Variants in SCOC observed in about 807,000 individuals in gnomAD.
The protein encoded by SCOC is short coiled coil protein.
Under a neutral mutation model 9.9 loss-of-function variants are expected in SCOC, and 7 were observed. That is an observed-to-expected ratio of 0.71 (90% confidence interval 0.40 to 1.33). The LOEUF is 1.33. Among genes scored for constraint, SCOC ranks in the 40% most tolerant of loss-of-function variants. The probability of loss-of-function intolerance (pLI) is 0.01; values close to 1 mark genes in which losing one functional copy is unlikely to be tolerated. For synonymous variants in SCOC, 19 were observed against 28.2 expected (o/e 0.67, Z 1.03); for missense variants, 66 against 89.7 (o/e 0.74, Z 1.07).
intron 1 of SCOC, among the ~76,000 whole-genome samples, chr4:140,262,912 A>G (rs1730662831): frequency 6.6e-6 from 1 of 152,138 alleles, no homozygotes; most frequent in African/African-American, 2.4e-5. Context: ...CCAGGTAGAT[A>G]GTGCTAAGCC....
chr4:140,342,092 A>T (rs1038777062), upstream of SCOC, among the ~76,000 whole-genome samples: 3 of 152,118 alleles, frequency 2.0e-5, no homozygotes, highest in African/African-American at 7.2e-5. Flanking sequence ...ACAATCTAGC[A>T]TTCAAACCAC....
chr4:140,277,707 A>C (rs1368879681), intron 1 of SCOC, among the ~76,000 whole-genome samples: 2 of 152,208 alleles, frequency 1.3e-5, no homozygotes, highest in East Asian at 1.9e-4. Flanking sequence ...GTCTGAAACA[A>C]AAAAAACAAT....
intron 1 of SCOC, among the ~76,000 whole-genome samples, chr4:140,275,506 G>A (rs1331115462): frequency 6.6e-6 from 1 of 152,200 alleles, no homozygotes; most frequent in Non-Finnish European, 1.5e-5. Context: ...TTTCATTTAT[G>A]TTTGCATCCT....
At chr4:140,286,191 A>T (rs562003197) in intron 1 of SCOC, among the ~76,000 whole-genome samples, 12 of 151,072 alleles carry the variant, frequency 7.9e-5, no homozygotes, top group African/African-American at 2.2e-4. Context: ...CACAAAATAA[A>T]AAAAAAAAAG....
chr4:140,351,552 T>G (rs1018520405), intron 2 of SCOC, among the ~76,000 whole-genome samples: 1 of 152,090 alleles, frequency 6.6e-6, no homozygotes, highest in Non-Finnish European at 1.5e-5. Context: ...CAATTAGCCC[T>G]CATTGTAAGG....
intron 1 of SCOC, among the ~76,000 whole-genome samples, chr4:140,281,003 T>C (rs1731084504): frequency 6.6e-6 from 1 of 152,118 alleles, no homozygotes; most frequent in African/African-American, 2.4e-5. Context: ...GGCTTATATG[T>C]TTTGACAAGT....
chr4:140,366,382 T>C, intron 2 of SCOC: 3 of 1,290,752 alleles, frequency 2.3e-6, no homozygotes, highest in Non-Finnish European at 1.1e-6. Context: ...GCAGCGGTCA[T>C]CTTTTTGCTA....
chr4:140,306,315 C>T (rs573738454), intron 1 of SCOC, among the ~76,000 whole-genome samples: 4 of 152,212 alleles, frequency 2.6e-5, no homozygotes, highest in East Asian at 1.9e-4. Flanking sequence ...TACCTCTCAT[C>T]GGGTCTTTCC....
intron 1 of SCOC, among the ~76,000 whole-genome samples, chr4:140,286,188 TA>T (rs373397923): frequency 0.12 from 15,836 of 137,144 alleles, 1,232 homozygotes; most frequent in African/African-American, 0.24. Flanking sequence ...CATCACAAAA[TA>T]AAAAAAAAAA....
chr4:140,367,662 G>C (rs1311929325), intron 2 of SCOC, among the ~76,000 whole-genome samples: 1 of 152,202 alleles, frequency 6.6e-6, no homozygotes, highest in Non-Finnish European at 1.5e-5. Flanking sequence ...ACAGATGTGA[G>C]CCACTGTGCC....
rs1027298910 is a variant in SCOC at position 140,324,535 on chromosome 4, T to C, written c.-18-19086T>C. ...TATACAAAAACCAATCATATTCCTA[T>C]ATTCCAGAAATGAATAGTTGTCATT... is the stretch of plus-strand genomic sequence containing the variant. On this transcript the variant is annotated intron_variant, in intron 1 of 4. Coordinates refer to the SCOC transcript ENST00000394205. Among the ~76,000 whole-genome samples, 4 of 152,192 alleles carry C rather than the reference T, an allele frequency of 2.6e-5. No homozygotes were observed. The East Asian group carries it at 7.7e-4, about 29-fold the overall frequency.
intron 1 of SCOC, among the ~76,000 whole-genome samples, chr4:140,267,828 A>G (rs1321350574): frequency 6.6e-6 from 1 of 151,950 alleles, no homozygotes; most frequent in Non-Finnish European, 1.5e-5. Context: ...CCCTTGTGTA[A>G]TTGATCCCTG....
At chr4:140,273,647 A>G (rs1452243536) in intron 1 of SCOC, among the ~76,000 whole-genome samples, 1 of 97,676 alleles carries the variant, frequency 1.0e-5, no homozygotes, top group African/African-American at 1.1e-4. Flanking sequence ...GCTCTGGTGA[A>G]AAAAAAAAAA....
At chr4:140,261,948 A>G (rs1730641895) in intron 1 of SCOC, among the ~76,000 whole-genome samples, 1 of 152,246 alleles carries the variant, frequency 6.6e-6, no homozygotes, top group Non-Finnish European at 1.5e-5. Flanking sequence ...AGAGTGCAGC[A>G]GGCCAGAGAA....
At chr4:140,281,398 TC>T (rs1480458036) in intron 1 of SCOC, among the ~76,000 whole-genome samples, 3 of 152,072 alleles carry the variant, frequency 2.0e-5, no homozygotes, top group African/African-American at 7.2e-5. Context: ...TGGTAATGAG[TC>T]CCTCATATGT....
At chr4:140,262,641 G>T (rs1480870372) in intron 1 of SCOC, among the ~76,000 whole-genome samples, 3 of 152,144 alleles carry the variant, frequency 2.0e-5, no homozygotes, top group Non-Finnish European at 2.9e-5. Flanking sequence ...GTATTAGTCG[G>T]TTCTCACACT....
intron 1 of SCOC, among the ~76,000 whole-genome samples, chr4:140,378,813 T>C (rs925736667): frequency 2.6e-5 from 4 of 152,156 alleles, no homozygotes; most frequent in African/African-American, 9.6e-5. Flanking sequence ...AGATTACATA[T>C]TTAAAATTTG....
chr4:140,375,756 T>G (rs1728317453), intron 1 of SCOC, among the ~76,000 whole-genome samples: 1 of 152,210 alleles, frequency 6.6e-6, no homozygotes, highest in Non-Finnish European at 1.5e-5. Flanking sequence ...TAGATTCCCT[T>G]CCACTAACCA....
intron 1 of SCOC, among the ~76,000 whole-genome samples, chr4:140,374,963 G>A (rs1728273053): frequency 6.6e-6 from 1 of 152,174 alleles, no homozygotes; most frequent in African/African-American, 2.4e-5. Flanking sequence ...CATTATTTTA[G>A]CAGTCTTAGT....
Sources: gnomAD v4.1 joint callset for allele counts (sites outside exome capture counted in the v4.1 genomes callset) on GRCh38, gnomAD v4.1.1 for gene constraint, MANE v1.5 for transcripts, NCBI Gene and HGNC (gene_info 2026-07-23, HGNC 2026-07-21) for gene names.